C16orf95: variants seen among roughly 807,000 people sequenced by gnomAD.
The protein encoded by C16orf95 is uncharacterized protein C16orf95.
A neutral mutation model predicts 32.1 loss-of-function variants in C16orf95; 41 were observed. The ratio of observed to expected loss-of-function variants is 1.28; its 90% CI spans 1.00 to 1.66. The LOEUF (loss-of-function observed/expected upper bound fraction) is 1.66. Ranked by LOEUF, C16orf95 falls within the 40% of genes most tolerant of loss-of-function variation. C16orf95 has a pLI of 0.00. For synonymous variants in C16orf95, 147 were observed against 128.9 expected, an observed-to-expected ratio of 1.14 and a Z score of -0.95; for missense variants, 399 against 325.9, an observed-to-expected ratio of 1.22 and a Z score of -1.73.
intron 3 of C16orf95, among the ~76,000 whole-genome samples, chr16:87,312,337 G>A (rs905824164): frequency 6.6e-6 from 1 of 152,206 alleles, no homozygotes; most frequent in African/African-American, 2.4e-5. Context: ...GGGAGGCCAA[G>A]GCAGGTGGAT....
Position 87,309,372 on chromosome 16 carries a change from C to CTTTTTTTTTTTTTTTTT in C16orf95, c.514+908_514+924dup, listed in dbSNP as rs10551847. ...TATGCATTTTCTTTTTCTTTCTTTT[C>CTTTTTTTTTTTTTTTTT]TTTTTTTTTTTTTTTTTTTTTTTTT... On this transcript the variant is annotated intron_variant, in intron 5 of 6. Transcript: ENST00000567970. Among the ~76,000 whole-genome samples the CTTTTTTTTTTTTTTTTT allele has an allele frequency of 1.8e-3, 153 of 86,080 alleles. 33 individuals are homozygous for CTTTTTTTTTTTTTTTTT. The highest frequency in any genetic ancestry group is 7.9e-3 in the African/African-American group (134 of 16,870). The allele number at this position is 86,080 out of a possible 152,430, so 56.5% of individuals were successfully genotyped here.
chr16:87,310,858 C>A (rs1911250259), intron 4 of C16orf95, among the ~76,000 whole-genome samples: 1 of 152,014 alleles, frequency 6.6e-6, no homozygotes. Context: ...GGGAGGAAAG[C>A]AGCAGCAGCA....
At chr16:87,316,358 A>G (rs1327993669) in intron 1 of C16orf95, among the ~76,000 whole-genome samples, 2 of 152,142 alleles carry the variant, frequency 1.3e-5, no homozygotes, top group African/African-American at 2.4e-5. Flanking sequence ...CCACTCCCCA[A>G]CAAACTGCTT....
chr16:87,310,321 G>C lies in C16orf95; in HGVS notation c.490C>G (p.Gln164Glu). ...CCTTGGATGCCTTTCAAACTCTGCTGCCTCCTGACTATCTAAAAGACAAGA... is the reference window on the plus strand; with the variant it reads ...CCTTGGATGCCTTTCAAACTCTGCTCCCTCCTGACTATCTAAAAGACAAGA... ...LRSQQQIVRR[Q>E]QSLKGIQAPL... The change falls in exon 5 of 7, where the codon CAG (glutamine) becomes GAG (glutamate). Residue 164 changes from glutamine (Q) to glutamate (E), a missense_variant. Coordinates refer to ENST00000567970, the MANE Select transcript of C16orf95 (RefSeq NM_001195124.3). 6.5e-7 allele frequency: 1 copy of C among 1,536,114 alleles called. No homozygotes were observed. Among genetic ancestry groups the C allele is most frequent in the African/African-American group, 1.4e-5 (1 of 73,174 alleles).
intron 4 of C16orf95, 111 bp downstream of exon 4, chr16:87,311,039 T>C (rs911122647): frequency 2.1e-5 from 23 of 1,081,998 alleles, no homozygotes; most frequent in South Asian, 3.8e-5. Flanking sequence ...GCAGAGGCCT[T>C]TGTGGGAGCA....
chr16:87,313,780 C>T (rs1911387875), intron 3 of C16orf95, among the ~76,000 whole-genome samples: 2 of 151,936 alleles, frequency 1.3e-5, no homozygotes, highest in Non-Finnish European at 1.5e-5. Context: ...AATTGAATCT[C>T]GGATCAAGAA....
chr16:87,303,116 G>T (rs763265998), intron 6 of C16orf95, 41 bp from the exon 7 acceptor site: 5 of 1,535,628 alleles, frequency 3.3e-6, no homozygotes, highest in Non-Finnish European at 4.4e-6. Context: ...CCCGGCCCCA[G>T]GCTGAGACCA....
intron 5 of C16orf95, among the ~76,000 whole-genome samples, chr16:87,309,910 T>C (rs1911203635): frequency 6.6e-6 from 1 of 152,208 alleles, no homozygotes; most frequent in Admixed American, 6.5e-5. Flanking sequence ...TATGAGTATA[T>C]AATAGGGTAC....
intron 6 of C16orf95, 27 bp from the exon 7 acceptor site, chr16:87,303,102 A>G: frequency 1.3e-6 from 2 of 1,536,070 alleles, no homozygotes; most frequent in Non-Finnish European, 1.7e-6. Context: ...GACAGTTACT[A>G]GGACCCGGCC....
chr16:87,309,738 GT>G (rs1389660408), intron 5 of C16orf95, among the ~76,000 whole-genome samples: 1 of 152,046 alleles, frequency 6.6e-6, no homozygotes, highest in Non-Finnish European at 1.5e-5. Flanking sequence ...AATACATATT[GT>G]ATTGTGAATA....
At chr16:87,316,464 C>T (rs528286531) in intron 1 of C16orf95, among the ~76,000 whole-genome samples, 5 of 152,178 alleles carry the variant, frequency 3.3e-5, no homozygotes, top group African/African-American at 9.6e-5. Context: ...ACCGTAAGAG[C>T]GATATAAGTG....
rs1479833240 is a variant in C16orf95 at position 87,312,586 on chromosome 16, AG to A, written c.331-1291del. On this transcript the variant is annotated intron_variant, in intron 3 of 6. Coordinates refer to ENST00000567970, the MANE Select transcript of C16orf95 (RefSeq NM_001195124.3). ...TCCATCTCAAAAAAAAAAAAAAAAA[AG>A]AAAGAAAAGAAAAGAAAAAGAAAAA... Among the ~76,000 whole-genome samples the A allele has an allele frequency of 1.7e-3, 252 of 146,710 alleles. 1 individual carries two copies. The highest frequency in any genetic ancestry group is 3.4e-3 in the Non-Finnish European group (224 of 66,376).
At chr16:87,308,853 A>C (rs74504421) in intron 5 of C16orf95, among the ~76,000 whole-genome samples, 2,126 of 152,306 alleles carry the variant, frequency 0.014, 24 homozygotes, top group Non-Finnish European at 0.024. Context: ...GGTTTGCTCA[A>C]CTTTGATTTT....
intron 1 of C16orf95, 73 bp downstream of exon 1, chr16:87,317,018 T>A (rs1254515137): frequency 6.9e-7 from 1 of 1,452,730 alleles, no homozygotes; most frequent in Non-Finnish European, 9.1e-7. Context: ...GCATAGGTCA[T>A]GGAGCAATGC....
At chr16:87,311,753 C>T (rs950238008) in intron 3 of C16orf95, among the ~76,000 whole-genome samples, 4 of 152,248 alleles carry the variant, frequency 2.6e-5, no homozygotes, top group Non-Finnish European at 5.9e-5. Context: ...GCGGCAATTC[C>T]ACTTGCAGGA....
intron 1 of C16orf95, among the ~76,000 whole-genome samples, chr16:87,316,664 G>C (rs977412617): frequency 6.6e-6 from 1 of 152,008 alleles, no homozygotes; most frequent in Non-Finnish European, 1.5e-5. Flanking sequence ...GGGGGCCACA[G>C]CCATCTCAGT....
intron 5 of C16orf95, 191 bp from the exon 6 acceptor site, chr16:87,306,096 G>A (rs1911016095): frequency 2.3e-6 from 1 of 434,456 alleles, no homozygotes; most frequent in Non-Finnish European, 4.0e-6. Context: ...ATGATATCCT[G>A]GGTAACGGCA....
intron 3 of C16orf95, among the ~76,000 whole-genome samples, chr16:87,313,877 C>T (rs1007494590): frequency 2.6e-5 from 4 of 152,180 alleles, no homozygotes; most frequent in African/African-American, 9.6e-5. Context: ...AGGGGCAAAA[C>T]AAACAGATGC....
Position 87,305,897 on chromosome 16 carries a change from G to A in C16orf95, c.523C>T (p.Leu175=), listed in dbSNP as rs557409762. Residue 175 remains leucine, a synonymous_variant, in exon 6 of 7, where the codon CTG becomes TTG. Coordinates refer to ENST00000567970, the MANE Select transcript of C16orf95 (RefSeq NM_001195124.3). This position sits in a 1 kb window ranked among gnomAD's most constrained non-coding sequence, Gnocchi z 4.2. ...QSLKGIQAPL[L]DACCWHNCWR... ...CAGTTGTGCCAGCAGCATGCATCCAGCAGGGGTGCTAGGCAAAGAAAAGGT... is the reference window on the plus strand; with the variant it reads ...CAGTTGTGCCAGCAGCATGCATCCAACAGGGGTGCTAGGCAAAGAAAAGGT... 118 of 1,426,626 alleles carry A rather than the reference G, an allele frequency of 8.3e-5. No individual in the cohort carries two copies. The African/African-American group carries it at 1.5e-3, about 18-fold the overall frequency. 88.4% of individuals were successfully genotyped at this position (1,426,626 alleles called of 1,614,324 possible).
Sources: gnomAD v4.1 joint callset for allele counts (sites outside exome capture counted in the v4.1 genomes callset) on GRCh38, gnomAD v4.1.1 for gene constraint, Gnocchi (gnomAD v3.1) non-coding constraint, MANE v1.5 for transcripts, NCBI Gene and HGNC (gene_info 2026-07-23, HGNC 2026-07-21) for gene names.